The following RIMS1 variants were observed in gnomAD, a reference collection of about 807,000 sequenced individuals.
RIMS1 encodes the protein regulating synaptic membrane exocytosis 1, also known as regulating synaptic membrane exocytosis protein 1.
In RIMS1, 83 loss-of-function variants were observed where a neutral mutation model predicts 214.1. The observed-to-expected ratio is 0.39, with a 90% CI of 0.32 to 0.47. The LOEUF (loss-of-function observed/expected upper bound fraction) is 0.47. Among genes scored for constraint, RIMS1 ranks in the 20% least tolerant of loss-of-function variants. The pLI is 0.99. For synonymous variants in RIMS1, 793 were observed against 786.8 expected, an observed-to-expected ratio of 1.01 and a Z score of -0.13; for missense variants, 2,050 against 2,161.8, an observed-to-expected ratio of 0.95 and a Z score of 1.03.
rs867313583 is a variant in RIMS1 at position 72,197,902 on chromosome 6, G to A, written c.1678+14753G>A. On this transcript the variant is annotated intron_variant, in intron 6 of 33. Transcript: ENST00000521978. ...ACACCATTAAAGATGCCAAGGAAAA[G>A]GGGAAAAATGTATAAGCTTTTGGAG... Among the ~76,000 whole-genome samples the A allele has an allele frequency of 3.7e-4, 57 of 152,128 alleles. 1 individual carries two copies. Among genetic ancestry groups the A allele is most frequent in the African/African-American group, 1.3e-3 (55 of 41,532 alleles).
chr6:72,233,483 C>T (rs954670898), intron 6 of RIMS1, among the ~76,000 whole-genome samples: 1 of 149,100 alleles, frequency 6.7e-6, no homozygotes, highest in Non-Finnish European at 1.5e-5. Context: ...TCCTTTAAGG[C>T]TAGGAGGGGC....
intron 1 of RIMS1, among the ~76,000 whole-genome samples, chr6:71,904,307 A>G (rs1398917167): frequency 6.6e-6 from 1 of 152,180 alleles, no homozygotes; most frequent in Admixed American, 6.5e-5. Flanking sequence ...TTCAGGATCA[A>G]CACCTGTGTG....
chr6:72,106,500 G>A (rs2034769317), intron 4 of RIMS1, among the ~76,000 whole-genome samples: 1 of 152,122 alleles, frequency 6.6e-6, no homozygotes, highest in South Asian at 2.1e-4. Flanking sequence ...CAATTATAAT[G>A]TTTTTCAGTA....
intron 2 of RIMS1, among the ~76,000 whole-genome samples, chr6:72,007,030 A>G (rs1420081258): frequency 6.6e-6 from 1 of 152,196 alleles, no homozygotes; most frequent in Non-Finnish European, 1.5e-5. Flanking sequence ...TGGCTTTTCA[A>G]GTGGGTCCCT....
chr6:72,131,581 G>C (rs1010027695), intron 4 of RIMS1, among the ~76,000 whole-genome samples: 12 of 152,144 alleles, frequency 7.9e-5, no homozygotes, highest in South Asian at 2.1e-4. Flanking sequence ...TACTTCACAA[G>C]GTAATAGAAT....
rs1415304662 is a variant in RIMS1 at position 72,213,201 on chromosome 6, G to A, written c.1679-20572G>A. 7 of 1,536,596 alleles carry A rather than the reference G, an allele frequency of 4.6e-6. 1 individual carries two copies. In the South Asian group the frequency reaches 8.3e-5, roughly 18 times the overall value. ...TGTTGATTCCGAAGAGGGAACAATT[G>A]AAGCTCGACGAGCAGTTGCTGGTAA... is the stretch of plus-strand genomic sequence containing the variant. On this transcript the variant is annotated intron_variant, in intron 6 of 33. Transcript: ENST00000521978.
At position 72,179,768 on chromosome 6, in the gene RIMS1, T is replaced by C; in HGVS notation, c.665T>C (p.Leu222Pro). 6.2e-7 allele frequency: 1 copy of C among 1,613,756 alleles called. No homozygotes were observed. The highest frequency in any genetic ancestry group is 8.5e-7 in the Non-Finnish European group (1 of 1,179,834). ...LQERSRSQTP[L>P]STAAASSQDA... ...GAGCGATCGCGGTCTCAGACACCCC[T>C]AAGCACAGCAGCTGCCTCCTCCCAG... is the stretch of plus-strand genomic sequence containing the variant. Residue 222 changes from leucine to proline, a missense_variant, in exon 5 of 34, where the codon CTA becomes CCA. Coordinates refer to ENST00000521978, the MANE Select transcript of RIMS1 (RefSeq NM_014989.7).
chr6:72,126,681 C>T (rs765884501), intron 4 of RIMS1: 1 of 265,116 alleles, frequency 3.8e-6, no homozygotes, highest in South Asian at 4.0e-5. Flanking sequence ...AAAAAATGCT[C>T]AGCATCACTG....
intron 29 of RIMS1, among the ~76,000 whole-genome samples, chr6:72,351,985 C>A (rs1165145011): frequency 3.9e-5 from 6 of 152,222 alleles, no homozygotes; most frequent in Non-Finnish European, 5.9e-5. Flanking sequence ...TGTAACATGC[C>A]TGAGTTCACA....
At position 72,196,580 on chromosome 6, in the gene RIMS1, C is replaced by CTTTTTTT. The variant is rs61651151; in HGVS notation, c.1678+13448_1678+13454dup. On this transcript the variant is annotated intron_variant, in intron 6 of 33. Coordinates refer to ENST00000521978, the MANE Select transcript of RIMS1 (RefSeq NM_014989.7). Reference sequence around the variant, plus strand: ...AGTACTGTGCTGGCAGCCAGCTGCACTTTTTTTTTTTTTTTTTTTTTTTAC... The same window carrying CTTTTTTT: ...AGTACTGTGCTGGCAGCCAGCTGCACTTTTTTTTTTTTTTTTTTTTTTTTTTTTTTAC... 4.5e-4 allele frequency among the ~76,000 whole-genome samples: 26 copies of CTTTTTTT among 57,206 alleles called. 7 individuals are homozygous for CTTTTTTT. The highest frequency in any genetic ancestry group is 1.1e-3 in the Admixed American group (5 of 4,518). The allele number at this position is 57,206 out of a possible 152,430, so 37.5% of individuals were successfully genotyped here. A position where few individuals can be genotyped will look rare whatever the true frequency, so the allele number is the denominator to read the frequency against.
chr6:72,245,148 A>C (rs919445558), intron 10 of RIMS1, among the ~76,000 whole-genome samples: 9 of 151,854 alleles, frequency 5.9e-5, no homozygotes, highest in Non-Finnish European at 8.8e-5. Context: ...GTGTGGCAGG[A>C]ATGGGTGGTC....
At chr6:72,386,723 CTG>C (rs1469131047) in intron 29 of RIMS1, among the ~76,000 whole-genome samples, 38 of 148,828 alleles carry the variant, frequency 2.6e-4, no homozygotes, top group African/African-American at 8.9e-4. Context: ...CTTCGTTTCA[CTG>C]TCTTTCTTTT....
intron 2 of RIMS1, among the ~76,000 whole-genome samples, chr6:72,041,984 C>T (rs1045006702): frequency 2.0e-5 from 3 of 151,860 alleles, no homozygotes; most frequent in Non-Finnish European, 2.9e-5. Flanking sequence ...TTATGTTAGC[C>T]TACTTCTCCC....
intron 2 of RIMS1, among the ~76,000 whole-genome samples, chr6:72,039,943 A>G (rs1170215352): frequency 6.6e-6 from 1 of 151,954 alleles, no homozygotes; most frequent in East Asian, 1.9e-4. Flanking sequence ...ACAAATTATT[A>G]CAATATTTGT....
chr6:71,952,976 C>CTT (rs528992913), intron 1 of RIMS1, among the ~76,000 whole-genome samples: 3 of 139,334 alleles, frequency 2.2e-5, no homozygotes, highest in South Asian at 2.3e-4. Context: ...AGAAGCGCAT[C>CTT]TTTTTTTTTT....
intron 2 of RIMS1, among the ~76,000 whole-genome samples, chr6:71,980,026 C>T (rs935686069): frequency 6.6e-6 from 1 of 152,100 alleles, no homozygotes; most frequent in African/African-American, 2.4e-5. Flanking sequence ...TAGAAAGTTG[C>T]TGTGCCTCAG....
At chr6:72,272,680 G>C (rs2084040506) in intron 22 of RIMS1, among the ~76,000 whole-genome samples, 1 of 151,908 alleles carries the variant, frequency 6.6e-6, no homozygotes, top group Non-Finnish European at 1.5e-5. Flanking sequence ...CTGGAATTTT[G>C]CCCTAGGAAG....
rs183855868 is a variant in RIMS1 at position 72,223,743 on chromosome 6, C to T, written c.1679-10030C>T. Among the ~76,000 whole-genome samples, 851 of 151,910 alleles carry T rather than the reference C, an allele frequency of 5.6e-3. 5 individuals are homozygous for T. Among genetic ancestry groups the T allele is most frequent in the South Asian group, 0.033 (160 of 4,812 alleles). ...TGGGTGGATCACGAGGTCAGGAAATCGAGACCATCCTGGCTAACACGGTGA... is the reference window on the plus strand; with the variant it reads ...TGGGTGGATCACGAGGTCAGGAAATTGAGACCATCCTGGCTAACACGGTGA... On this transcript the variant is annotated intron_variant, in intron 6 of 33. Coordinates refer to ENST00000521978, the MANE Select transcript of RIMS1 (RefSeq NM_014989.7).
At chr6:72,079,404 T>G (rs983337324) in intron 2 of RIMS1, among the ~76,000 whole-genome samples, 2 of 152,164 alleles carry the variant, frequency 1.3e-5, no homozygotes, top group African/African-American at 4.8e-5. Flanking sequence ...ATGATGCCAA[T>G]AGAGTGTCAA....
Sources: gnomAD v4.1 joint callset for allele counts (sites outside exome capture counted in the v4.1 genomes callset) on GRCh38, gnomAD v4.1.1 for gene constraint, MANE v1.5 for transcripts, NCBI Gene and HGNC (gene_info 2026-07-23, HGNC 2026-07-21) for gene names.